The following TNR variants were observed in gnomAD, a reference collection of about 807,000 sequenced individuals.
TNR encodes the protein tenascin R, also known as tenascin-R.
A neutral mutation model predicts 150.4 loss-of-function variants in TNR; 45 were observed. That is an observed-to-expected ratio of 0.30 (90% CI 0.24 to 0.38). The LOEUF is 0.38. Ranked by LOEUF, TNR falls within the 10% of genes least tolerant of loss-of-function variation. The pLI, the probability that TNR is intolerant of heterozygous loss-of-function variation, is 1.00. For synonymous variants in TNR, 687 were observed against 678.4 expected, an observed-to-expected ratio of 1.01 and a Z score of -0.20; for missense variants, 1,544 against 1,759.1, an observed-to-expected ratio of 0.88 and a Z score of 2.19.
chr1:175,350,389 A>G (rs1435925131), intron 18 of TNR, among the ~76,000 whole-genome samples: 1 of 152,248 alleles, frequency 6.6e-6, no homozygotes, highest in African/African-American at 2.4e-5. Context: ...AAAAGAGACA[A>G]TGAAACTGCC....
chr1:175,450,314 T>C (rs1656244719), intron 2 of TNR, among the ~76,000 whole-genome samples: 1 of 152,192 alleles, frequency 6.6e-6, no homozygotes, highest in African/African-American at 2.4e-5. Context: ...CCTCAGAACC[T>C]CACCCCTCAC....
At chr1:175,510,207 T>C (rs1184413514) in intron 2 of TNR, among the ~76,000 whole-genome samples, 1 of 152,146 alleles carries the variant, frequency 6.6e-6, no homozygotes, top group Non-Finnish European at 1.5e-5. Context: ...CCAGCCCGGA[T>C]GACAGAGCAA....
intron 2 of TNR, among the ~76,000 whole-genome samples, chr1:175,411,518 T>A (rs1654214572): frequency 1.3e-5 from 2 of 151,886 alleles, no homozygotes; most frequent in East Asian, 3.9e-4. Context: ...ATCAGCAGGG[T>A]TGATTCTTCC....
chr1:175,593,704 T>TGG (rs1662896476), intron 1 of TNR, among the ~76,000 whole-genome samples: 1 of 152,160 alleles, frequency 6.6e-6, no homozygotes, highest in Non-Finnish European at 1.5e-5. Flanking sequence ...CCCCAGAGTC[T>TGG]TCACCAGACT....
chr1:175,586,597 T>A (rs1558022663), intron 1 of TNR, among the ~76,000 whole-genome samples: 1 of 152,192 alleles, frequency 6.6e-6, no homozygotes, highest in Non-Finnish European at 1.5e-5. Context: ...TGAGCCACCG[T>A]GCCCAGCCCT....
chr1:175,341,827 C>T (rs1451611973), intron 18 of TNR, among the ~76,000 whole-genome samples: 1 of 152,210 alleles, frequency 6.6e-6, no homozygotes, highest in Non-Finnish European at 1.5e-5. Flanking sequence ...CTCTGGTTAT[C>T]AACACTTAGA....
intron 2 of TNR, among the ~76,000 whole-genome samples, chr1:175,524,985 C>T (rs1316589810): frequency 6.6e-6 from 1 of 152,142 alleles, no homozygotes; most frequent in African/African-American, 2.4e-5. Flanking sequence ...TATGGTTTGG[C>T]TGTGTCCCCA....
intron 10 of TNR, among the ~76,000 whole-genome samples, chr1:175,366,423 A>G (rs1488566198): frequency 2.6e-5 from 4 of 152,236 alleles, no homozygotes; most frequent in Non-Finnish European, 2.9e-5. Context: ...CAAGCTCGCC[A>G]TATTCATTTT....
chr1:175,432,495 C>T (rs1393531441), intron 2 of TNR, among the ~76,000 whole-genome samples: 1 of 151,922 alleles, frequency 6.6e-6, no homozygotes, highest in African/African-American at 2.4e-5. Context: ...ATTTTCCTTT[C>T]CCTTCTTTCT....
At chr1:175,394,291 C>T (rs754343314) in intron 5 of TNR, among the ~76,000 whole-genome samples, 5 of 152,096 alleles carry the variant, frequency 3.3e-5, no homozygotes, top group African/African-American at 4.8e-5. Flanking sequence ...ACAGGACTCC[C>T]GGGAGGTACT....
chr1:175,549,354 T>C (rs762018694), intron 1 of TNR, among the ~76,000 whole-genome samples: 5 of 152,242 alleles, frequency 3.3e-5, no homozygotes, highest in Non-Finnish European at 4.4e-5. Flanking sequence ...AATGCATTGA[T>C]GAGGGTATGA....
At position 175,320,683 on chromosome 1, in the gene TNR, T is replaced by C. The variant is rs1358687795; in HGVS notation, c.*2674A>G. 1 of 145,500 alleles carries C rather than the reference T, an allele frequency of 6.9e-6. No homozygotes were observed. The highest frequency in any genetic ancestry group is 7.1e-5 in the Admixed American group (1 of 14,120). 9.0% of individuals were successfully genotyped at this position (145,500 alleles called of 1,614,324 possible). A position where few individuals can be genotyped will look rare whatever the true frequency, so the allele number is the denominator to read the frequency against. ...TCAGCCTCTCACTCGGCATGATCTT[T>C]TCTGCAGTATTTTCGTGTGTGTGTG... On this transcript the variant is annotated 3_prime_UTR_variant, in exon 23 of 23. Transcript: ENST00000367674.
chr1:175,664,253 TG>T (rs1457496424), intron 1 of TNR, among the ~76,000 whole-genome samples: 2 of 152,342 alleles, frequency 1.3e-5, no homozygotes, highest in Non-Finnish European at 2.9e-5. Flanking sequence ...ATGCGGGACC[TG>T]GGAGAATAGG....
At chr1:175,574,920 T>C (rs1202996997) in intron 1 of TNR, among the ~76,000 whole-genome samples, 2 of 152,226 alleles carry the variant, frequency 1.3e-5, no homozygotes, top group East Asian at 3.8e-4. Flanking sequence ...TATTATGTAC[T>C]GTGTCAGCCA....
rs540842850 is a variant in TNR, at chr1:175,437,022, T to C, written c.-63-30245A>G. 3.9e-3 allele frequency among the ~76,000 whole-genome samples: 591 copies of C among 152,214 alleles called. 1 individual carries two copies. The highest frequency in any genetic ancestry group is 0.011 in the African/African-American group (445 of 41,556). On this transcript the variant is annotated intron_variant, in intron 2 of 22. Transcript: ENST00000367674. ...GAATTGAACTCAGCTCTGCACCAAG[T>C]GGACCTAATAGACATCTACAGAACT...
rs55795922 is a variant in TNR at position 175,370,338 on chromosome 1, C to CTTTTTTTTTTTTTT, written c.1964-3055_1964-3042dup. ...GAGAACTATTCCTGGATTTTGAGTACTTTTTTTTTTTTTTTTTTTTTTTTT... is the reference window on the plus strand; with the variant it reads ...GAGAACTATTCCTGGATTTTGAGTACTTTTTTTTTTTTTTTTTTTTTTTTTTTTTTTTTTTTTTT... On this transcript the variant is annotated intron_variant, in intron 9 of 22. Transcript: ENST00000367674. 7.2e-4 allele frequency among the ~76,000 whole-genome samples: 31 copies of CTTTTTTTTTTTTTT among 42,974 alleles called. 3 individuals carry two copies. The highest frequency in any genetic ancestry group is 1.8e-3 in the African/African-American group (21 of 11,804). 28.2% of individuals were successfully genotyped at this position (42,974 alleles called of 152,430 possible). A position where few individuals can be genotyped will look rare whatever the true frequency, so the allele number is the denominator to read the frequency against.
In TNR at chr1:175,335,790, C is replaced by G; in HGVS notation, c.3552G>C (p.Gln1184His). The change falls in exon 20 of 23, where the codon CAG becomes CAC. Residue 1184 changes from glutamine (Q) to histidine (H), a missense_variant. Physicochemically the swap from Gln to His is conservative, Grantham distance 24 (BLOSUM62 0). Around this residue, in one of 2 missense-constraint regions of TNR, gnomAD observed 290 missense variants for 429.7 expected, o/e 0.67. Transcript: ENST00000367674. ...GGGWIVFQRR[Q>H]NGQTDFFRKW... ...TCCGGAAAAAATCAGTTTGGCCATT[C>G]TGCCGCCTCTGGAATACCTATGAAG... 6.2e-7 allele frequency: 1 copy of G among 1,614,088 alleles called. No individual in the cohort carries two copies. Among genetic ancestry groups the G allele is most frequent in the African/African-American group, 1.3e-5 (1 of 75,026 alleles).
chr1:175,397,844 A>G (rs1653504695), intron 4 of TNR, among the ~76,000 whole-genome samples: 1 of 152,268 alleles, frequency 6.6e-6, no homozygotes, highest in Non-Finnish European at 1.5e-5. Context: ...AAGATTCACC[A>G]GTGTTGTGGC....
At chr1:175,560,184 T>C (rs1321242765) in intron 1 of TNR, among the ~76,000 whole-genome samples, 1 of 152,272 alleles carries the variant, frequency 6.6e-6, no homozygotes, top group African/African-American at 2.4e-5. Context: ...ACTTTAGTTC[T>C]ACCCCTGTTG....
Sources: gnomAD v4.1 joint callset for allele counts (sites outside exome capture counted in the v4.1 genomes callset) on GRCh38, gnomAD v4.1.1 for gene constraint, gnomAD v4.1.1 regional missense constraint, MANE v1.5 for transcripts, NCBI Gene and HGNC (gene_info 2026-07-23, HGNC 2026-07-21) for gene names.